ELP4: variants seen among roughly 807,000 people sequenced by gnomAD.
The protein encoded by ELP4 is elongator complex protein 4.
Under a neutral mutation model 48.9 loss-of-function variants are expected in ELP4, and 51 were observed. That is an observed-to-expected ratio of 1.04 (90% CI 0.83 to 1.32). The LOEUF is 1.32. ELP4 is among the 40% of genes most tolerant of loss of function. The pLI, the probability that ELP4 is intolerant of heterozygous loss-of-function variation, is 0.00. For synonymous variants in ELP4, 210 were observed against 189.2 expected (o/e 1.11, Z -0.90); for missense variants, 519 against 514.6 (o/e 1.01, Z -0.08).
At chr11:31,589,240 C>T (rs192993373) in intron 3 of ELP4, among the ~76,000 whole-genome samples, 1 of 152,242 alleles carries the variant, frequency 6.6e-6, no homozygotes, top group Admixed American at 6.5e-5. Context: ...TCTTACGGTG[C>T]TCATTTTATA....
intron 9 of ELP4, chr11:31,651,675 T>C (rs1407724): frequency 0.61 from 91,864 of 151,522 alleles, 31,606 homozygotes; most frequent in Non-Finnish European, 0.76. Flanking sequence ...ATCGTTTTCT[T>C]TTGAGTTTAC....
rs573069179 is a variant in ELP4, at chr11:31,540,203, A to T, written c.381+420A>T. ...CTACTATGGCAAAGCAAATTTTCCA[A>T]AGTCTAAGCTTTTCTATACTACTAA... is the stretch of plus-strand genomic sequence containing the variant. On this transcript the variant is annotated intron_variant, in intron 3 of 9. Coordinates refer to ENST00000640961, the MANE Select transcript of ELP4 (RefSeq NM_019040.5). 1.4e-4 allele frequency among the ~76,000 whole-genome samples: 21 copies of T among 152,306 alleles called. No individual in the cohort carries two copies. The South Asian group carries it at 4.4e-3, about 32-fold the overall frequency.
chr11:31,595,743 T>C (rs1322345451), intron 4 of ELP4, among the ~76,000 whole-genome samples: 1 of 152,172 alleles, frequency 6.6e-6, no homozygotes, highest in Non-Finnish European at 1.5e-5. Flanking sequence ...AGAATTCTTC[T>C]CTACAGGAAT....
chr11:31,700,197 A>G (rs1946492450), intron 9 of ELP4, among the ~76,000 whole-genome samples: 3 of 151,930 alleles, frequency 2.0e-5, no homozygotes, highest in Admixed American at 6.6e-5. Context: ...GGGTATACGT[A>G]TATGCTTAGG....
chr11:31,750,057 G>A (rs1414804122), intron 9 of ELP4, among the ~76,000 whole-genome samples: 1 of 151,674 alleles, frequency 6.6e-6, no homozygotes, highest in African/African-American at 2.4e-5. Context: ...CTAGAGACGG[G>A]GTTTCACCGT....
intron 7 of ELP4, among the ~76,000 whole-genome samples, chr11:31,645,250 A>G (rs970291796): frequency 4.6e-5 from 7 of 151,804 alleles, no homozygotes; most frequent in Non-Finnish European, 1.0e-4. Context: ...TAGGCTGTGC[A>G]TATTTTTCAG....
At chr11:31,639,780 A>T (rs1044919497) in intron 7 of ELP4, among the ~76,000 whole-genome samples, 1 of 151,890 alleles carries the variant, frequency 6.6e-6, no homozygotes, top group Admixed American at 6.6e-5. Flanking sequence ...ATTACACTTA[A>T]TCTAACCAAA....
chr11:31,741,261 G>A (rs190296771), intron 9 of ELP4, among the ~76,000 whole-genome samples: 1 of 152,324 alleles, frequency 6.6e-6, no homozygotes, highest in African/African-American at 2.4e-5. Flanking sequence ...CTGGAACTGG[G>A]TGGAGCCCAC....
intron 3 of ELP4, among the ~76,000 whole-genome samples, chr11:31,542,695 A>G (rs1956612039): frequency 6.6e-6 from 1 of 152,146 alleles, no homozygotes; most frequent in Admixed American, 6.5e-5. Context: ...CCCAGTCCAA[A>G]GCTCAAAGTA....
At chr11:31,746,512 G>C (rs1262648252) in intron 9 of ELP4, among the ~76,000 whole-genome samples, 1 of 152,180 alleles carries the variant, frequency 6.6e-6, no homozygotes, top group Non-Finnish European at 1.5e-5. Flanking sequence ...CAATAGACTG[G>C]ATGAAGAAAA....
Position 31,783,694 on chromosome 11 carries a change from C to T in ELP4, c.*170C>T, listed in dbSNP as rs1208091276. ...TTTTTAACTTTTTACAGAACTAGCACAGCAGAAATACTTTTAAATTTTTCC... is the reference window on the plus strand; with the variant it reads ...TTTTTAACTTTTTACAGAACTAGCATAGCAGAAATACTTTTAAATTTTTCC... On this transcript the variant is annotated 3_prime_UTR_variant, in exon 10 of 10. Transcript: ENST00000640961. The T allele has an allele frequency of 5.3e-6, 3 of 567,836 alleles. No individual in the cohort carries two copies. Among genetic ancestry groups the T allele is most frequent in the Non-Finnish European group, 8.8e-6 (3 of 340,326 alleles). 35.2% of individuals were successfully genotyped at this position (567,836 alleles called of 1,614,324 possible).
intron 3 of ELP4, among the ~76,000 whole-genome samples, chr11:31,586,044 A>G (rs1441233319): frequency 6.6e-6 from 1 of 152,168 alleles, no homozygotes; most frequent in Non-Finnish European, 1.5e-5. Flanking sequence ...TTAAATGAGA[A>G]TATGATTACA....
At chr11:31,590,577 A>G (rs1393589454) in intron 3 of ELP4, among the ~76,000 whole-genome samples, 1 of 152,208 alleles carries the variant, frequency 6.6e-6, no homozygotes, top group East Asian at 1.9e-4. Flanking sequence ...GTATTCGGCC[A>G]TTCTCAAATT....
At chr11:31,591,265 G>T (rs1342645073) in intron 3 of ELP4, among the ~76,000 whole-genome samples, 3 of 151,814 alleles carry the variant, frequency 2.0e-5, no homozygotes, top group African/African-American at 7.3e-5. Flanking sequence ...AATTAGCCAG[G>T]CGTGGTGGTG....
intron 9 of ELP4, among the ~76,000 whole-genome samples, chr11:31,701,420 A>T (rs1382815407): frequency 6.6e-6 from 1 of 151,980 alleles, no homozygotes; most frequent in East Asian, 1.9e-4. Context: ...AAGTATTCTA[A>T]TTTTACACCT....
rs894995906 is a variant in ELP4 at position 31,787,372 on chromosome 11, G to A, written c.*3848G>A. The A allele has an allele frequency of 1.7e-5, 4 of 233,378 alleles. No homozygotes were observed. Among genetic ancestry groups the A allele is most frequent in the Admixed American group, 5.6e-5 (1 of 17,786 alleles). 14.5% of individuals were successfully genotyped at this position (233,378 alleles called of 1,614,324 possible). ...CCCATTCCCACCTCTTGCACCTGGCGTGCGACATCCGGGTCTCCAAAGTCT... is the reference window on the plus strand; with the variant it reads ...CCCATTCCCACCTCTTGCACCTGGCATGCGACATCCGGGTCTCCAAAGTCT... On this transcript the variant is annotated 3_prime_UTR_variant, in exon 10 of 10. Coordinates refer to ENST00000640961, the MANE Select transcript of ELP4 (RefSeq NM_019040.5).
At chr11:31,736,422 A>G (rs1174351984) in intron 9 of ELP4, among the ~76,000 whole-genome samples, 1 of 152,220 alleles carries the variant, frequency 6.6e-6, no homozygotes, top group East Asian at 1.9e-4. Flanking sequence ...ATGGGCAAGG[A>G]CTTCATGTCT....
At chr11:31,540,722 G>A (rs1956577868) in intron 3 of ELP4, among the ~76,000 whole-genome samples, 1 of 152,126 alleles carries the variant, frequency 6.6e-6, no homozygotes, top group African/African-American at 2.4e-5. Flanking sequence ...ATTCTACACA[G>A]TCATGATAAT....
chr11:31,593,163 A>T (rs1462793900), intron 3 of ELP4, among the ~76,000 whole-genome samples: 3 of 152,164 alleles, frequency 2.0e-5, no homozygotes, highest in Non-Finnish European at 2.9e-5. Flanking sequence ...AGCAAACATC[A>T]TTCTCTGTAT....
Sources: gnomAD v4.1 joint callset for allele counts (sites outside exome capture counted in the v4.1 genomes callset) on GRCh38, gnomAD v4.1.1 for gene constraint, MANE v1.5 for transcripts, NCBI Gene and HGNC (gene_info 2026-07-23, HGNC 2026-07-21) for gene names.